Variants in DROSHA observed in about 807,000 individuals in gnomAD.
The protein encoded by DROSHA is ribonuclease 3.
In DROSHA, 56 loss-of-function variants were observed where a neutral mutation model predicts 181.9. The ratio of observed to expected loss-of-function variants is 0.31; its 90% confidence interval spans 0.25 to 0.38. The LOEUF is 0.38. Ranked by LOEUF, DROSHA falls within the 10% of genes least tolerant of loss-of-function variation. The probability of loss-of-function intolerance (pLI) is 1.00; values close to 1 mark genes in which losing one functional copy is unlikely to be tolerated. For synonymous variants in DROSHA, 524 were observed against 591.2 expected, an observed-to-expected ratio of 0.89 and a Z score of 1.65; for missense variants, 1,218 against 1,743.5, an observed-to-expected ratio of 0.70 and a Z score of 5.37.
chr5:31,471,732 T>C (rs1195020597), intron 17 of DROSHA, among the ~76,000 whole-genome samples: 1 of 152,184 alleles, frequency 6.6e-6, no homozygotes, highest in East Asian at 1.9e-4. Flanking sequence ...TCCCTTAGTA[T>C]AACCAGCATG....
intron 30 of DROSHA, among the ~76,000 whole-genome samples, chr5:31,416,001 C>A (rs185632266): frequency 6.6e-6 from 1 of 152,322 alleles, no homozygotes; most frequent in Admixed American, 6.5e-5. Context: ...CCGAGTAGGC[C>A]TTTTGAATAG....
rs1214848609 is a variant in DROSHA at position 31,429,494 on chromosome 5, C to T, written c.3197G>A (p.Arg1066His). The change falls in exon 27 of 36, where the codon CGC becomes CAC. Residue 1066 changes from arginine to histidine, a missense_variant. Arg to His is a conservative substitution (Grantham distance 29, BLOSUM62 0). Coordinates refer to ENST00000344624, the MANE Select transcript of DROSHA (RefSeq NM_001382508.1). ...SLEEAKQLFG[R>H]LLFNDPDLRE... ...AAATACCGGATCATTAAAGAGCAAG[C>T]GTCCAAATAACTGCTTGGCTTCCTC... The T allele has an allele frequency of 3.7e-6, 6 of 1,611,248 alleles. No individual in the cohort carries two copies. The highest frequency in any genetic ancestry group is 2.2e-5 in the South Asian group (2 of 90,602).
At chr5:31,523,970 T>C (rs1220691040) in intron 5 of DROSHA, among the ~76,000 whole-genome samples, 1 of 107,956 alleles carries the variant, frequency 9.3e-6, no homozygotes, top group Non-Finnish European at 1.9e-5. Context: ...AGCAAAACTT[T>C]GTCTCCAAAA....
chr5:31,523,155 G>A (rs186214401), intron 5 of DROSHA, among the ~76,000 whole-genome samples: 9 of 152,308 alleles, frequency 5.9e-5, no homozygotes, highest in Admixed American at 5.2e-4. Context: ...CTCCATGTTT[G>A]TTTCACAGAA....
chr5:31,423,794 T>C (rs1212361916), intron 28 of DROSHA, among the ~76,000 whole-genome samples: 1 of 152,130 alleles, frequency 6.6e-6, no homozygotes, highest in Non-Finnish European at 1.5e-5. Context: ...TTTACATATA[T>C]GCATATATCC....
At chr5:31,407,818 T>G (rs1501739) in intron 33 of DROSHA, among the ~76,000 whole-genome samples, 35,272 of 152,106 alleles carry the variant, frequency 0.23, 4,391 homozygotes, top group East Asian at 0.46. Context: ...AATCATGCCT[T>G]TGCTATGGAA....
Position 31,429,475 on chromosome 5 carries a change from C to T in DROSHA, c.3216G>A (p.Pro1072=), listed in dbSNP as rs1413521897. 1.2e-6 allele frequency: 2 copies of T among 1,608,540 alleles called. No homozygotes were observed. The highest frequency in any genetic ancestry group is 1.7e-6 in the Non-Finnish European group (2 of 1,177,328). ...AAATCAAATGATTCCATAGAAATAC[C>T]GGATCATTAAAGAGCAAGCGTCCAA... ...QLFGRLLFND[P]DLREVWLNYP... The change falls in exon 27 of 36, where the codon CCG becomes CCA. Residue 1072 remains proline, a splice_region_variant and synonymous_variant. Transcript: ENST00000344624.
At chr5:31,412,876 C>A (rs1036175748) in intron 30 of DROSHA, among the ~76,000 whole-genome samples, 1 of 152,006 alleles carries the variant, frequency 6.6e-6, no homozygotes, top group Non-Finnish European at 1.5e-5. Flanking sequence ...CATATGGGGA[C>A]GGGGAGCTTT....
chr5:31,426,831 TG>T lies in DROSHA; in HGVS notation c.3217-2361del, dbSNP rs1444375945. Among the ~76,000 whole-genome samples, 4 of 152,090 alleles carry T rather than the reference TG, an allele frequency of 2.6e-5. No individual in the cohort carries two copies. The East Asian group carries it at 7.7e-4, about 29-fold the overall frequency. ...CATATTGAAAAGAAGAAATGTGGTA[TG>T]AATGATGGACTGGAGCGGTGGGGGA... On this transcript the variant is annotated intron_variant, in intron 27 of 35. Transcript: ENST00000344624.
In DROSHA at chr5:31,526,713, G is replaced by C; in HGVS notation, c.220C>G (p.Pro74Ala). 1 of 1,556,186 alleles carries C rather than the reference G, an allele frequency of 6.4e-7. No individual in the cohort carries two copies. Among genetic ancestry groups the C allele is most frequent in the South Asian group, 1.2e-5 (1 of 80,546 alleles). The change falls in exon 5 of 36, where the codon CCA (proline) becomes GCA (alanine). Residue 74 changes from proline (P) to alanine (A), a missense_variant. This residue lies in a region of DROSHA where 536 missense variants were observed against 535.4 expected (regional missense o/e 1.00). Transcript: ENST00000344624. ...SNSPAPNFLP[P>A]RPDFVPFPPP... ...GGGAAGGGTACAAAGTCTGGTCGTG[G>C]AGGGAGAAAATTGGGGGCTGGAGAG... is the stretch of plus-strand genomic sequence containing the variant.
At chr5:31,502,828 T>TG (rs1244894767) in intron 11 of DROSHA, among the ~76,000 whole-genome samples, 1 of 152,178 alleles carries the variant, frequency 6.6e-6, no homozygotes, top group Non-Finnish European at 1.5e-5. Context: ...GATAGCGCTG[T>TG]GGGGAAATCT....
At chr5:31,455,106 C>T (rs1343481568) in intron 20 of DROSHA, among the ~76,000 whole-genome samples, 3 of 151,594 alleles carry the variant, frequency 2.0e-5, no homozygotes, top group Non-Finnish European at 2.9e-5. Context: ...AGTGACAAAA[C>T]TCAGGAAAAA....
intron 16 of DROSHA, among the ~76,000 whole-genome samples, chr5:31,477,722 A>G (rs997506990): frequency 6.6e-6 from 1 of 152,226 alleles, no homozygotes; most frequent in East Asian, 1.9e-4. Context: ...TGATCTCACT[A>G]TCTTGAATCA....
intron 25 of DROSHA, 92 bp from the exon 26 acceptor site, chr5:31,431,770 G>A: frequency 9.0e-7 from 1 of 1,113,648 alleles, no homozygotes; most frequent in South Asian, 1.3e-5. Flanking sequence ...TTGGTGCGGA[G>A]ACGAGATGGG....
chr5:31,403,673 A>G (rs1478081999), intron 35 of DROSHA, among the ~76,000 whole-genome samples: 2 of 152,214 alleles, frequency 1.3e-5, no homozygotes, highest in African/African-American at 2.4e-5. Context: ...TTATTGGCAG[A>G]CAGACACACC....
chr5:31,524,610 A>G (rs866622510), intron 5 of DROSHA, among the ~76,000 whole-genome samples: 4 of 152,308 alleles, frequency 2.6e-5, no homozygotes, highest in Middle Eastern at 3.4e-3. Flanking sequence ...ATATAAACCA[A>G]TGGTTCTCAG....
At chr5:31,472,282 C>A in intron 16 of DROSHA, 50 bp from the exon 17 acceptor site, 1 of 1,519,746 alleles carries the variant, frequency 6.6e-7, no homozygotes, top group African/African-American at 1.4e-5. Flanking sequence ...GGCTACTCAA[C>A]TTACAGCAAA....
intron 23 of DROSHA, among the ~76,000 whole-genome samples, chr5:31,443,325 T>G (rs188268869): frequency 7.4e-4 from 113 of 152,090 alleles, no homozygotes; most frequent in Non-Finnish European, 1.4e-3. Flanking sequence ...GCTGAGATTT[T>G]TATGCATTAT....
chr5:31,520,217 T>C (rs557852598), intron 6 of DROSHA, among the ~76,000 whole-genome samples: 1 of 151,904 alleles, frequency 6.6e-6, no homozygotes, highest in African/African-American at 2.4e-5. Context: ...GTTAATTTTT[T>C]AAACGGTTTT....
Sources: allele counts gnomAD v4.1 joint callset (sites outside exome capture counted in the v4.1 genomes callset), GRCh38; gene constraint gnomAD v4.1.1; regional missense constraint gnomAD v4.1.1; transcripts MANE v1.5; gene names NCBI Gene and HGNC (gene_info 2026-07-23, HGNC 2026-07-21).